Variants in CLNK observed in about 807,000 individuals in gnomAD.
CLNK encodes cytokine-dependent hematopoietic cell linker.
CLNK carries 74 observed loss-of-function variants against 68.6 expected under a neutral mutation model. That is an observed-to-expected ratio of 1.08 (90% CI 0.89 to 1.31). CLNK has a LOEUF of 1.31. Ranked by LOEUF, CLNK falls within the 50% of genes most tolerant of loss-of-function variation. The pLI is 0.00. For missense variants in CLNK, 553 were observed against 515.3 expected (o/e 1.07, Z -0.71); for synonymous variants, 198 against 172.2 (o/e 1.15, Z -1.17).
intron 2 of CLNK, among the ~76,000 whole-genome samples, chr4:10,598,360 C>T (rs747377106): frequency 2.0e-5 from 3 of 152,118 alleles, no homozygotes; most frequent in East Asian, 3.8e-4. Context: ...ACCTTGGTAC[C>T]GTCCTTAAGC....
intron 5 of CLNK, among the ~76,000 whole-genome samples, chr4:10,568,589 T>A (rs574730047): frequency 6.6e-6 from 1 of 152,036 alleles, no homozygotes; most frequent in Non-Finnish European, 1.5e-5. Context: ...GAAAGAGAGA[T>A]CTGGCAGAAG....
chr4:10,624,737 A>G (rs1722601067), intron 2 of CLNK, among the ~76,000 whole-genome samples: 1 of 151,856 alleles, frequency 6.6e-6, no homozygotes, highest in Admixed American at 6.6e-5. Flanking sequence ...GCTGCTTCCC[A>G]TAGTATTTGG....
intron 2 of CLNK, among the ~76,000 whole-genome samples, chr4:10,646,191 A>G (rs1217408565): frequency 6.6e-6 from 1 of 152,206 alleles, no homozygotes; most frequent in Non-Finnish European, 1.5e-5. Flanking sequence ...GTATACCTGT[A>G]TCAAAATATC....
chr4:10,695,071 C>T, the CLNK span, among the ~76,000 whole-genome samples: 1 of 152,118 alleles, frequency 6.6e-6, no homozygotes, highest in Admixed American at 6.6e-5. Flanking sequence ...ATATTGATCA[C>T]AGGATACAAA....
At chr4:10,657,598 C>T (rs530010643) in intron 2 of CLNK, among the ~76,000 whole-genome samples, 5 of 152,256 alleles carry the variant, frequency 3.3e-5, no homozygotes, top group Admixed American at 3.3e-4. Context: ...GAAAAATCTA[C>T]AGAAGATGAA....
intron 2 of CLNK, among the ~76,000 whole-genome samples, chr4:10,610,050 T>TCG (rs1721948964): frequency 1.3e-5 from 1 of 75,572 alleles, no homozygotes; most frequent in Admixed American, 1.4e-4. Context: ...TTTTTTTTTT[T>TCG]TTTTTTTTTT....
chr4:10,599,772 G>A (rs1214899581), intron 2 of CLNK, among the ~76,000 whole-genome samples: 2 of 151,312 alleles, frequency 1.3e-5, no homozygotes, highest in Non-Finnish European at 2.9e-5. Flanking sequence ...TTCCCCAGAT[G>A]CCTCCTGACT....
the CLNK span, among the ~76,000 whole-genome samples, chr4:10,694,549 T>A: frequency 6.6e-6 from 1 of 152,194 alleles, no homozygotes; most frequent in Non-Finnish European, 1.5e-5. Context: ...TGCAGTAACA[T>A]GCTGTACAGG....
At chr4:10,652,462 T>C (rs12499294) in intron 2 of CLNK, among the ~76,000 whole-genome samples, 62,380 of 149,004 alleles carry the variant, frequency 0.42, 13,939 homozygotes, top group Non-Finnish European at 0.51. Context: ...TTATAAGATA[T>C]ATACCAAAAA....
chr4:10,587,907 G>C (rs925919810), intron 3 of CLNK, among the ~76,000 whole-genome samples: 1 of 152,196 alleles, frequency 6.6e-6, no homozygotes, highest in African/African-American at 2.4e-5. Flanking sequence ...GTGGTTAACA[G>C]TTGGCGCCCT....
rs566130436 is a variant in CLNK, at chr4:10,520,147, C to T, written c.772+644G>A. 9.9e-5 allele frequency among the ~76,000 whole-genome samples: 15 copies of T among 152,194 alleles called. No homozygotes were observed. The South Asian group carries it at 2.9e-3, about 29-fold the overall frequency. ...AAGGAAAGACAAATGAATATGATGGCTCTAGTTTGCACAGAATAACTAATA... is the reference window on the plus strand; with the variant it reads ...AAGGAAAGACAAATGAATATGATGGTTCTAGTTTGCACAGAATAACTAATA... On this transcript the variant is annotated intron_variant, in intron 15 of 18. Coordinates refer to ENST00000226951, the MANE Select transcript of CLNK (RefSeq NM_052964.4).
At chr4:10,561,238 G>A (rs1466469931) in intron 7 of CLNK, among the ~76,000 whole-genome samples, 4 of 152,074 alleles carry the variant, frequency 2.6e-5, no homozygotes, top group African/African-American at 9.7e-5. Flanking sequence ...CCAAACTCTT[G>A]TTGAATTTAT....
intron 2 of CLNK, among the ~76,000 whole-genome samples, chr4:10,628,326 ACT>A (rs1722757170): frequency 7.7e-6 from 1 of 130,230 alleles, no homozygotes; most frequent in Middle Eastern, 3.7e-3. Context: ...TTTTTTTTTC[ACT>A]CTTTGCTGAA....
rs943555961 is a variant in CLNK, at chr4:10,487,346, T to G, written c.*3121A>C. ...AGGTACAATTTCCTCAATTATAAAA[T>G]GCATTAGAAATAGCTGCCCTCTCTT... On this transcript the variant is annotated 3_prime_UTR_variant, in exon 19 of 19. Transcript: ENST00000226951. 6.6e-6 allele frequency: 1 copy of G among 152,214 alleles called. No homozygotes were observed. The highest frequency in any genetic ancestry group is 1.5e-5 in the Non-Finnish European group (1 of 68,030). The allele number at this position is 152,214 out of a possible 1,614,324, so 9.4% of individuals were successfully genotyped here. A position where few individuals can be genotyped will look rare whatever the true frequency, so the allele number is the denominator to read the frequency against.
At chr4:10,718,401 A>G in the CLNK span, among the ~76,000 whole-genome samples, 1 of 152,188 alleles carries the variant, frequency 6.6e-6, no homozygotes, top group African/African-American at 2.4e-5. Context: ...AGCAAGAGAG[A>G]AACAATATCA....
At chr4:10,674,548 G>A (rs534586398) in intron 1 of CLNK, among the ~76,000 whole-genome samples, 19 of 152,158 alleles carry the variant, frequency 1.2e-4, no homozygotes, top group African/African-American at 4.6e-4. Context: ...AACTCTTTGG[G>A]GATCCAAAAT....
intron 8 of CLNK, among the ~76,000 whole-genome samples, chr4:10,551,635 T>C (rs1719463016): frequency 6.6e-6 from 1 of 152,054 alleles, no homozygotes; most frequent in Admixed American, 6.6e-5. Context: ...GAAATAACTA[T>C]GAAATACAAT....
At chr4:10,699,494 C>CATATATA in the CLNK span, among the ~76,000 whole-genome samples, 1 of 56,968 alleles carries the variant, frequency 1.8e-5, no homozygotes, top group African/African-American at 9.1e-5. Flanking sequence ...CTCTCTCTCT[C>CATATATA]TATATATATA....
At chr4:10,719,917 C>A in the CLNK span, among the ~76,000 whole-genome samples, 3 of 152,016 alleles carry the variant, frequency 2.0e-5, no homozygotes, top group African/African-American at 7.2e-5. Context: ...GAAAAATCCC[C>A]AGACACTTTC....
Sources: allele counts gnomAD v4.1 joint callset (sites outside exome capture counted in the v4.1 genomes callset), GRCh38; gene constraint gnomAD v4.1.1; transcripts MANE v1.5; gene names NCBI Gene and HGNC (gene_info 2026-07-23, HGNC 2026-07-21).